The following NRIP2 variants were observed in gnomAD, a reference collection of about 807,000 sequenced individuals.
NRIP2 encodes nuclear receptor interacting protein 2.
A neutral mutation model predicts 34.1 loss-of-function variants in NRIP2; 27 were observed. The observed-to-expected ratio is 0.79, with a 90% CI of 0.58 to 1.09. The LOEUF (loss-of-function observed/expected upper bound fraction) is 1.09, where lower values mean the gene tolerates loss of function less well. Among genes scored for constraint, NRIP2 ranks in the 50% least tolerant of loss-of-function variants. The pLI is 0.00. For synonymous variants in NRIP2, 145 were observed against 146.9 expected (o/e 0.99, Z 0.09); for missense variants, 385 against 352.6 (o/e 1.09, Z -0.74).
chr12:2,825,918 A>G lies in NRIP2; in HGVS notation c.*1289T>C, dbSNP rs553536457. On this transcript the variant is annotated 3_prime_UTR_variant, in exon 6 of 6. Coordinates refer to ENST00000337508, the MANE Select transcript of NRIP2 (RefSeq NM_031474.3). ...GCTGGGATTACAGGTGTTCACCACC[A>G]TACCTGGCTAATTTTTGTATTTTTT... 6.6e-6 allele frequency: 1 copy of G among 152,296 alleles called. No individual in the cohort carries two copies. Among genetic ancestry groups the G allele is most frequent in the South Asian group, 2.1e-4 (1 of 4,830 alleles). 9.4% of individuals were successfully genotyped at this position (152,296 alleles called of 1,614,324 possible).
In NRIP2 at chr12:2,828,298, G is replaced by A. The variant is rs370205024; in HGVS notation, c.578+34C>T. The A allele has an allele frequency of 9.5e-6, 15 of 1,581,464 alleles. No homozygotes were observed. In the African/African-American group the frequency reaches 2.0e-4, roughly 21 times the overall value. On this transcript the variant is annotated intron_variant, in intron 3 of 5. Coordinates refer to ENST00000337508, the MANE Select transcript of NRIP2 (RefSeq NM_031474.3). ...TTTCATCACCCCAAAAAGAAACCCT[G>A]TCCCCCACTTGCTTGTTTGGGCCAC...
chr12:2,828,739 G>A (rs113544110), intron 2 of NRIP2, among the ~76,000 whole-genome samples: 33 of 152,302 alleles, frequency 2.2e-4, no homozygotes, highest in African/African-American at 7.2e-4. Context: ...CTACTCGGGA[G>A]GCTGAGGCAG....
At chr12:2,834,142 C>A (rs571247278) in intron 1 of NRIP2, among the ~76,000 whole-genome samples, 1 of 152,286 alleles carries the variant, frequency 6.6e-6, no homozygotes, top group South Asian at 2.1e-4. Context: ...GGCCAGGGGC[C>A]CCCGGCAAGA....
Position 2,830,823 on chromosome 12 carries a change from C to T in NRIP2, c.380G>A (p.Gly127Glu), listed in dbSNP as rs753946285. 1.2e-6 allele frequency: 2 copies of T among 1,613,638 alleles called. No individual in the cohort carries two copies. Among genetic ancestry groups the T allele is most frequent in the Admixed American group, 1.7e-5 (1 of 59,962 alleles). Residue 127 changes from glycine to glutamate, a missense_variant, in exon 2 of 6, where the codon GGA (glycine) becomes GAA (glutamate). Coordinates refer to ENST00000337508, the MANE Select transcript of NRIP2 (RefSeq NM_031474.3). ...RSVIQRRLVEGNPNWLQGEPP... is the reference protein window; with the variant it reads ...RSVIQRRLVEENPNWLQGEPP... ...CTCCCCCTGAAGCCAATTCGGGTTT[C>T]CCTCCACCAGGCGTCTTTGGATCAC...
chr12:2,828,206 T>C, intron 3 of NRIP2, 126 bp downstream of exon 3: 3 of 1,157,410 alleles, frequency 2.6e-6, no homozygotes, highest in Non-Finnish European at 3.8e-6. Context: ...CTAGCCACTC[T>C]TTTGTTAAAT....
chr12:2,827,255 C>T lies in NRIP2; in HGVS notation c.798G>A (p.Pro266=), dbSNP rs761075430. 28 of 1,614,104 alleles carry T rather than the reference C, an allele frequency of 1.7e-5. No individual in the cohort carries two copies. Among genetic ancestry groups the T allele is most frequent in the East Asian group, 1.1e-4 (5 of 44,872 alleles). Reference sequence around the variant, plus strand: ...AAGGCAGGAAGGGTAGCTCTGAGAACGGGGCTTTCAGCCGCAGCACTCCGT... The same window carrying T: ...AAGGCAGGAAGGGTAGCTCTGAGAATGGGGCTTTCAGCCGCAGCACTCCGT... ...LEHGVLRLKA[P]FSELPFLPLY... is the part of the protein sequence containing the mutation. Residue 266 remains proline, a synonymous_variant, in exon 6 of 6, where the codon CCG becomes CCA. Coordinates refer to ENST00000337508, the MANE Select transcript of NRIP2 (RefSeq NM_031474.3). The surrounding 1 kb of genome is among the most constrained non-coding windows in gnomAD (Gnocchi z 4.0).
rs1424145286 is a variant in NRIP2, at chr12:2,825,785, C to T, written c.*1422G>A. ...CTCCTTTTTTGTTTGTTTTTGGAGA[C>T]AGGGTCTCACTCCTTCACCCAGGCT... On this transcript the variant is annotated 3_prime_UTR_variant, in exon 6 of 6. Transcript: ENST00000337508. The T allele has an allele frequency of 2.0e-5, 3 of 152,288 alleles. No homozygotes were observed. Among genetic ancestry groups the T allele is most frequent in the Non-Finnish European group, 4.4e-5 (3 of 68,182 alleles). 9.4% of individuals were successfully genotyped at this position (152,288 alleles called of 1,614,324 possible). A position where few individuals can be genotyped will look rare whatever the true frequency, so the allele number is the denominator to read the frequency against.
Position 2,827,868 on chromosome 12 carries a change from C to A in NRIP2, c.700+58G>T. ...GGGAGTGAAAGTCTCAGCCTTTGCCCCACCCCAAAGAGAAAGGTGAGGTGA... is the reference window on the plus strand; with the variant it reads ...GGGAGTGAAAGTCTCAGCCTTTGCCACACCCCAAAGAGAAAGGTGAGGTGA... On this transcript the variant is annotated intron_variant, in intron 4 of 5. Transcript: ENST00000337508. This position sits in a 1 kb window ranked among gnomAD's most constrained non-coding sequence, Gnocchi z 4.0. The A allele has an allele frequency of 6.2e-7, 1 of 1,611,772 alleles. No individual in the cohort carries two copies. The highest frequency in any genetic ancestry group is 1.1e-5 in the South Asian group (1 of 90,870).
At position 2,827,938 on chromosome 12, in the gene NRIP2, C is replaced by T. The variant is rs746723511; in HGVS notation, c.688G>A (p.Ala230Thr). 1.3e-5 allele frequency: 21 copies of T among 1,613,988 alleles called. No individual in the cohort carries two copies. The East Asian group carries it at 4.5e-4, about 34-fold the overall frequency. ...QLGQETVVCS[A>T]QVVDAESPEF... is the part of the protein sequence containing the mutation. ...AGGGGGGACTTACCCACCACCTGTG[C>T]CGAGCACACCACAGTCTCCTGCCCC... The change falls in exon 4 of 6, where the codon GCA becomes ACA. Residue 230 changes from alanine to threonine, a missense_variant. Coordinates refer to ENST00000337508, the MANE Select transcript of NRIP2 (RefSeq NM_031474.3). The surrounding 1 kb of genome is among the most constrained non-coding windows in gnomAD (Gnocchi z 4.0).
At position 2,834,917 on chromosome 12, in the gene NRIP2, C is replaced by G; in HGVS notation, c.67G>C (p.Gly23Arg). The G allele has an allele frequency of 6.2e-7, 1 of 1,613,462 alleles. No individual in the cohort carries two copies. Among genetic ancestry groups the G allele is most frequent in the Non-Finnish European group, 8.5e-7 (1 of 1,179,782 alleles). ...PSCWKESCST[G>R]QRQAGRSRED... The stretch of plus-strand genomic sequence containing the variant: ...CTGCTTCTTCCTGCCTGTCTCTGTC[C>G]CGTGCTGCAGCTCTCTTTCCAACAG... Residue 23 changes from glycine to arginine, a missense_variant, in exon 1 of 6, where the codon GGA becomes CGA. Coordinates refer to ENST00000337508, the MANE Select transcript of NRIP2 (RefSeq NM_031474.3).
chr12:2,831,470 G>A (rs1026710623), intron 1 of NRIP2, among the ~76,000 whole-genome samples: 1 of 151,986 alleles, frequency 6.6e-6, no homozygotes, highest in African/African-American at 2.4e-5. Context: ...TGTAGTCCCA[G>A]CTACTCGGGA....
At chr12:2,831,021 TA>T in intron 1 of NRIP2, 161 bp from the exon 2 acceptor site, 1 of 576,464 alleles carries the variant, frequency 1.7e-6, no homozygotes, top group Non-Finnish European at 2.8e-6. Context: ...GAGAGCAGAG[TA>T]AGCCCCAGTA....
At chr12:2,832,735 A>G (rs2153926345) in intron 1 of NRIP2, among the ~76,000 whole-genome samples, 1 of 149,096 alleles carries the variant, frequency 6.7e-6, no homozygotes, top group Middle Eastern at 3.4e-3. Context: ...ATCCCAGGGC[A>G]TGGCTCAGCA....
intron 3 of NRIP2, 33 bp from the exon 4 acceptor site, chr12:2,828,080 C>T (rs765818647): frequency 2.5e-6 from 4 of 1,576,870 alleles, no homozygotes; most frequent in Non-Finnish European, 3.5e-6. Flanking sequence ...ATGGCTACCA[C>T]AGCCCCTAGA....
At chr12:2,830,948 G>A in intron 1 of NRIP2, 88 bp from the exon 2 acceptor site, 1 of 1,428,128 alleles carries the variant, frequency 7.0e-7, no homozygotes, top group Non-Finnish European at 9.5e-7. Flanking sequence ...ACCCCAGGAT[G>A]CTCCCCCCAC....
chr12:2,833,287 G>A (rs1012488386), intron 1 of NRIP2, among the ~76,000 whole-genome samples: 24 of 152,068 alleles, frequency 1.6e-4, no homozygotes, highest in Admixed American at 7.2e-4. Context: ...ATTGAGAGCC[G>A]AAGAACCCGC....
At chr12:2,828,121 C>T (rs527917635) in intron 3 of NRIP2, 74 bp from the exon 4 acceptor site, 5 of 1,415,050 alleles carry the variant, frequency 3.5e-6, no homozygotes, top group South Asian at 2.4e-5. Context: ...GCAGGTGTCC[C>T]TCTCTACTAT....
In NRIP2 at chr12:2,827,010, C is replaced by T; in HGVS notation, c.*197G>A. The T allele has an allele frequency of 5.0e-6, 7 of 1,405,522 alleles. No homozygotes were observed. In the South Asian group the frequency reaches 9.7e-5, roughly 19 times the overall value. The allele number at this position is 1,405,522 out of a possible 1,614,324, so 87.1% of individuals were successfully genotyped here. ...CGTGGGCCCTCTAGTGAAAACTCGT[C>T]CTGGGGAGTAGGACAGCTGCTGAGA... On this transcript the variant is annotated 3_prime_UTR_variant, in exon 6 of 6. Transcript: ENST00000337508. The surrounding 1 kb of genome is among the most constrained non-coding windows in gnomAD (Gnocchi z 4.0).
At chr12:2,828,258 C>G in intron 3 of NRIP2, 74 bp downstream of exon 3, 1 of 1,348,560 alleles carries the variant, frequency 7.4e-7, no homozygotes, top group Non-Finnish European at 1.1e-6. Context: ...TCGTCACTAT[C>G]TAATTTGAGA....
Sources: gnomAD v4.1 joint callset for allele counts (sites outside exome capture counted in the v4.1 genomes callset) on GRCh38, gnomAD v4.1.1 for gene constraint, Gnocchi (gnomAD v3.1) non-coding constraint, MANE v1.5 for transcripts, NCBI Gene and HGNC (gene_info 2026-07-23, HGNC 2026-07-21) for gene names.